The following SMCO2 variants were observed in gnomAD, a reference collection of about 807,000 sequenced individuals.
SMCO2 encodes the protein single-pass membrane protein with coiled-coil domains 2.
SMCO2 carries 25 observed loss-of-function variants against 29.5 expected under a neutral mutation model. That is an observed-to-expected ratio of 0.85 (90% confidence interval 0.62 to 1.18). SMCO2 has a LOEUF of 1.18. SMCO2 is among the 50% of genes most tolerant of loss of function. SMCO2 has a pLI of 0.00. For synonymous variants in SMCO2, 117 were observed against 123.3 expected, an observed-to-expected ratio of 0.95 and a Z score of 0.34; for missense variants, 348 against 344.5, an observed-to-expected ratio of 1.01 and a Z score of -0.08.
At chr12:27,490,999 A>G (rs1353199765) in intron 5 of SMCO2, among the ~76,000 whole-genome samples, 1 of 152,212 alleles carries the variant, frequency 6.6e-6, no homozygotes, top group Non-Finnish European at 1.5e-5. Flanking sequence ...TAAAATTGTT[A>G]CAGAAGCAAA....
chr12:27,496,292 G>T (rs1322549553), intron 7 of SMCO2, among the ~76,000 whole-genome samples: 1 of 150,164 alleles, frequency 6.7e-6, no homozygotes, highest in African/African-American at 2.5e-5. Flanking sequence ...CATGATGGCT[G>T]CAAATACAGA....
intron 6 of SMCO2, among the ~76,000 whole-genome samples, chr12:27,495,252 T>A (rs1213760130): frequency 7.2e-6 from 1 of 138,814 alleles, no homozygotes; most frequent in Non-Finnish European, 1.5e-5. Context: ...ATAGAATGTA[T>A]GTATGTGTTT....
rs529248884 is a variant in SMCO2, at chr12:27,498,023, A to C, written c.683+2168A>C. 3 of 289,274 alleles carry C rather than the reference A, an allele frequency of 1.0e-5. No homozygotes were observed. The East Asian group carries it at 2.7e-4, about 26-fold the overall frequency. 17.9% of individuals were successfully genotyped at this position (289,274 alleles called of 1,614,324 possible). The stretch of plus-strand genomic sequence containing the variant: ...TCTCGTAGACCTGGAATAAGGACTA[A>C]AGTGATCCATGGACAAATTGAAGGA... On this transcript the variant is annotated intron_variant, in intron 7 of 7. Coordinates refer to ENST00000298876, the Ensembl canonical transcript of SMCO2.
intron 4 of SMCO2, among the ~76,000 whole-genome samples, chr12:27,476,532 T>C (rs1193161908): frequency 6.6e-6 from 1 of 152,176 alleles, no homozygotes; most frequent in Non-Finnish European, 1.5e-5. Flanking sequence ...TTTATATATC[T>C]GGGTGCTCCA....
intron 7 of SMCO2, among the ~76,000 whole-genome samples, chr12:27,501,626 TAA>T (rs1162513705): frequency 6.7e-6 from 1 of 149,900 alleles, no homozygotes; most frequent in Non-Finnish European, 1.5e-5. Context: ...ATGAGTGAGG[TAA>T]AGATTGCAAT....
intron 4 of SMCO2, among the ~76,000 whole-genome samples, chr12:27,477,612 G>T (rs551254632): frequency 2.7e-4 from 37 of 136,148 alleles, no homozygotes; most frequent in Non-Finnish European, 4.9e-4. Context: ...GTCAGGTAGG[G>T]CTTTCTTCAT....
intron 4 of SMCO2, among the ~76,000 whole-genome samples, chr12:27,480,717 C>G (rs1949635336): frequency 6.6e-6 from 1 of 152,066 alleles, no homozygotes; most frequent in Admixed American, 6.5e-5. Context: ...CCCTCTCTCT[C>G]TCTTGCTCCT....
chr12:27,485,138 T>TC (rs1555174689), intron 4 of SMCO2, among the ~76,000 whole-genome samples: 1 of 143,532 alleles, frequency 7.0e-6, no homozygotes, highest in Non-Finnish European at 1.5e-5. Flanking sequence ...GGCTTTTTTT[T>TC]TCTCTCTTTT....
At chr12:27,424,782 GA>G in the SMCO2 span, 3 of 152,216 alleles carry the variant, frequency 2.0e-5, no homozygotes, top group Non-Finnish European at 4.4e-5. Context: ...AAGCCATAAA[GA>G]AAAGCTGCTA....
the SMCO2 span, among the ~76,000 whole-genome samples, chr12:27,425,464 A>C: frequency 9.2e-5 from 14 of 152,224 alleles, 1 homozygote; most frequent in Admixed American, 9.2e-4. Flanking sequence ...TAACCAGTAA[A>C]GGTTTCCTTG....
chr12:27,434,396 G>A, the SMCO2 span, among the ~76,000 whole-genome samples: 5 of 152,172 alleles, frequency 3.3e-5, no homozygotes, highest in African/African-American at 1.2e-4. Flanking sequence ...TAGACTTGTT[G>A]AGGCTTCTTA....
At chr12:27,447,392 G>C in the SMCO2 span, among the ~76,000 whole-genome samples, 2 of 151,972 alleles carry the variant, frequency 1.3e-5, no homozygotes, top group Non-Finnish European at 2.9e-5. Context: ...ACCCTTTCTT[G>C]CTCTTCAGAG....
the SMCO2 span, among the ~76,000 whole-genome samples, chr12:27,461,186 C>G: frequency 4.4e-3 from 673 of 152,180 alleles, 1 homozygote; most frequent in Admixed American, 7.7e-3. Context: ...AATGCTATGT[C>G]AATATTATAT....
chr12:27,444,331 A>T, the SMCO2 span, among the ~76,000 whole-genome samples: 1 of 152,316 alleles, frequency 6.6e-6, no homozygotes, highest in South Asian at 2.1e-4. Context: ...CTCTCAACAT[A>T]TACAAAAATC....
chr12:27,481,415 G>A (rs760877165), intron 4 of SMCO2, among the ~76,000 whole-genome samples: 21 of 152,246 alleles, frequency 1.4e-4, no homozygotes, highest in Non-Finnish European at 2.8e-4. Flanking sequence ...GTTCCTCCTG[G>A]AGGGGTATTG....
intron 4 of SMCO2, among the ~76,000 whole-genome samples, chr12:27,482,159 T>G (rs1054568975): frequency 6.6e-6 from 1 of 152,232 alleles, no homozygotes; most frequent in Non-Finnish European, 1.5e-5. Context: ...TGCACTTCCC[T>G]GTAAGCACTG....
At chr12:27,454,535 C>T in the SMCO2 span, among the ~76,000 whole-genome samples, 1 of 152,176 alleles carries the variant, frequency 6.6e-6, no homozygotes, top group Non-Finnish European at 1.5e-5. Context: ...GTATTAAACA[C>T]ATTGCTTAAT....
the SMCO2 span, among the ~76,000 whole-genome samples, chr12:27,460,562 G>A: frequency 2.0e-5 from 3 of 151,854 alleles, no homozygotes; most frequent in African/African-American, 4.9e-5. Context: ...CCTTGTGATC[G>A]TCAGGTTGAG....
the SMCO2 span, among the ~76,000 whole-genome samples, chr12:27,456,578 C>A: frequency 1.3e-5 from 2 of 152,078 alleles, no homozygotes; most frequent in Non-Finnish European, 2.9e-5. Flanking sequence ...ACCACTGCAC[C>A]CGACTATTGT....
Sources: gnomAD v4.1 joint callset for allele counts (sites outside exome capture counted in the v4.1 genomes callset) on GRCh38, gnomAD v4.1.1 for gene constraint, MANE v1.5 for transcripts, NCBI Gene and HGNC (gene_info 2026-07-23, HGNC 2026-07-21) for gene names.